PHEX: variants seen among roughly 807,000 people sequenced by gnomAD.
The protein encoded by PHEX is phosphate-regulating neutral endopeptidase PHEX.
Under a neutral mutation model 68.0 loss-of-function variants are expected in PHEX, and 16 were observed. That is an observed-to-expected ratio of 0.24 (90% CI 0.16 to 0.36). The LOEUF (loss-of-function observed/expected upper bound fraction) is 0.36, where lower values mean the gene tolerates loss of function less well. PHEX is among the 10% of genes least tolerant of loss of function. The pLI, the probability that PHEX is intolerant of heterozygous loss-of-function variation, is 1.00. For missense variants in PHEX, 480 were observed against 575.5 expected (o/e 0.83, Z 1.70); for synonymous variants, 208 against 205.1 (o/e 1.01, Z -0.12).
chrX:22,094,246 T>G, intron 7 of PHEX, 147 bp downstream of exon 7: 1 of 407,168 alleles, frequency 2.5e-6, no homozygotes, highest in Non-Finnish European at 4.6e-6. Flanking sequence ...CATTGCCCAT[T>G]GGGCCCAAGG....
intron 11 of PHEX, among the ~76,000 whole-genome samples, chrX:22,118,105 T>G (rs1931312657): frequency 9.0e-6 from 1 of 111,358 alleles, no homozygotes; most frequent in African/African-American, 3.3e-5. Flanking sequence ...AGTCAGAAGC[T>G]TAAACTTCAG....
intron 11 of PHEX, among the ~76,000 whole-genome samples, chrX:22,129,845 C>G (rs1239570610): frequency 1.8e-5 from 2 of 111,549 alleles, no homozygotes; most frequent in Non-Finnish European, 3.8e-5. Flanking sequence ...CTTCCCTTAA[C>G]CCTACCTCTA....
At chrX:22,234,461 GCCCTGCCCAGAGAGGTGA>G (rs2147196408) in intron 20 of PHEX, among the ~76,000 whole-genome samples, 1 of 109,910 alleles carries the variant, frequency 9.1e-6, no homozygotes, top group East Asian at 2.9e-4. Flanking sequence ...TTTTAGAGAT[GCCCTGCCCAGAGAGGTGA>G]CATCTGGCAG....
At chrX:22,213,698 T>C (rs1419052156) in intron 16 of PHEX, among the ~76,000 whole-genome samples, 1 of 112,428 alleles carries the variant, frequency 8.9e-6, no homozygotes, top group East Asian at 2.8e-4. Context: ...TTTTTACTTT[T>C]GTGTTTTAAT....
chrX:22,079,861 A>G (rs181810352), intron 5 of PHEX, among the ~76,000 whole-genome samples: 2 of 111,668 alleles, frequency 1.8e-5, no homozygotes, highest in East Asian at 5.6e-4. Context: ...AATAATAGGA[A>G]GCTATCTATT....
rs1374428084 is a variant in PHEX at position 22,201,537 on chromosome X, A to C, written c.1645+11035A>C. The stretch of plus-strand genomic sequence containing the variant: ...GTCCTGGTCTAGTTGAGGAATTTGG[A>C]GGTCCTGATACAGACCCCCAGTTTC... On this transcript the variant is annotated intron_variant, in intron 15 of 21. Coordinates refer to ENST00000379374, the MANE Select transcript of PHEX (RefSeq NM_000444.6). Among the ~76,000 whole-genome samples, 4 of 110,270 alleles carry C rather than the reference A, an allele frequency of 3.6e-5. No individual in the cohort carries two copies. The Admixed American group carries it at 3.9e-4, about 11-fold the overall frequency.
intron 14 of PHEX, among the ~76,000 whole-genome samples, chrX:22,180,448 C>T (rs896426909): frequency 5.5e-5 from 6 of 109,228 alleles, no homozygotes; most frequent in Admixed American, 1.9e-4. Flanking sequence ...GGGTTTTCCT[C>T]GTTAGTTTTC....
At chrX:22,198,984 C>A (rs1026595496) in intron 15 of PHEX, among the ~76,000 whole-genome samples, 13 of 110,887 alleles carry the variant, frequency 1.2e-4, no homozygotes. Context: ...CAGGGGAACT[C>A]CCATTTATAA....
intron 9 of PHEX, among the ~76,000 whole-genome samples, chrX:22,106,065 G>A (rs1405756042): frequency 2.8e-5 from 3 of 105,735 alleles, no homozygotes; most frequent in Non-Finnish European, 5.9e-5. Flanking sequence ...TTACCATATG[G>A]CTGAAAATGT....
chrX:22,154,439 T>C (rs1381161056), intron 12 of PHEX, among the ~76,000 whole-genome samples: 1 of 110,982 alleles, frequency 9.0e-6, no homozygotes, highest in African/African-American at 3.3e-5. Context: ...TCCCCTATAG[T>C]AGTGGTTTTC....
At chrX:22,203,625 G>A (rs1010671915) in intron 15 of PHEX, among the ~76,000 whole-genome samples, 1 of 111,150 alleles carries the variant, frequency 9.0e-6, no homozygotes, top group Admixed American at 9.6e-5. Context: ...TTCTAGAATG[G>A]TGTCGGGCTT....
intron 1 of PHEX, among the ~76,000 whole-genome samples, chrX:22,033,419 A>C (rs187535740): frequency 4.5e-5 from 5 of 111,666 alleles, no homozygotes; most frequent in African/African-American, 1.6e-4. Context: ...TATGTGGTAC[A>C]TTTAGCAAAA....
intron 17 of PHEX, among the ~76,000 whole-genome samples, chrX:22,221,134 G>A (rs1194518755): frequency 9.0e-6 from 1 of 111,691 alleles, no homozygotes; most frequent in Non-Finnish European, 1.9e-5. Flanking sequence ...CTGGCAACTT[G>A]GAGGAAACAG....
At chrX:22,141,580 A>G (rs1376231009) in intron 12 of PHEX, among the ~76,000 whole-genome samples, 1 of 110,820 alleles carries the variant, frequency 9.0e-6, no homozygotes, top group Non-Finnish European at 1.9e-5. Context: ...TTAAAAAACA[A>G]ACAAAAAAAA....
chrX:22,188,192 A>G (rs180897388), intron 14 of PHEX, among the ~76,000 whole-genome samples: 1 of 112,252 alleles, frequency 8.9e-6, no homozygotes, highest in East Asian at 2.8e-4. Flanking sequence ...TGTTAGTCTG[A>G]CATAATTATC....
At chrX:22,113,942 TC>T (rs1238736703) in intron 10 of PHEX, among the ~76,000 whole-genome samples, 8 of 95,581 alleles carry the variant, frequency 8.4e-5, no homozygotes, top group South Asian at 5.0e-4. Flanking sequence ...TTCTTCTTCT[TC>T]TTTTTTTTTT....
intron 12 of PHEX, chrX:22,162,968 G>A (rs1454560050): frequency 8.9e-6 from 1 of 111,801 alleles, no homozygotes. Flanking sequence ...TTCTCAGCTG[G>A]AGGTGATTTT....
chrX:22,121,830 G>T (rs1212452384), intron 11 of PHEX, among the ~76,000 whole-genome samples: 1 of 111,497 alleles, frequency 9.0e-6, no homozygotes, highest in African/African-American at 3.3e-5. Flanking sequence ...TTTCTGAGCT[G>T]CTCTCTGCCT....
intron 3 of PHEX, among the ~76,000 whole-genome samples, chrX:22,069,825 T>G (rs1182167938): frequency 1.8e-5 from 2 of 111,724 alleles, no homozygotes; most frequent in East Asian, 5.6e-4. Context: ...GTCACACAAT[T>G]CGTGTGAAAA....
Sources: gnomAD v4.1 joint callset for allele counts (sites outside exome capture counted in the v4.1 genomes callset) on GRCh38, gnomAD v4.1.1 for gene constraint, MANE v1.5 for transcripts, NCBI Gene and HGNC (gene_info 2026-07-23, HGNC 2026-07-21) for gene names.